The following CCSER1 variants were observed in gnomAD, a reference collection of about 807,000 sequenced individuals.
CCSER1 encodes serine-rich coiled-coil domain-containing protein 1.
A neutral mutation model predicts 82.0 loss-of-function variants in CCSER1; 41 were observed. That is an observed-to-expected ratio of 0.50 (90% CI 0.39 to 0.65). CCSER1 has a LOEUF of 0.65. CCSER1 is among the 30% of genes least tolerant of loss of function. The pLI, the probability that CCSER1 is intolerant of heterozygous loss-of-function variation, is 0.00. For synonymous variants in CCSER1, 414 were observed against 383.9 expected, an observed-to-expected ratio of 1.08 and a Z score of -0.92; for missense variants, 1,119 against 1,064.2, an observed-to-expected ratio of 1.05 and a Z score of -0.72.
rs764932710 is a variant in CCSER1 at position 90,609,532 on chromosome 4, T to C, written c.1725-18493T>C. On this transcript the variant is annotated intron_variant, in intron 5 of 10. Transcript: ENST00000509176. Reference sequence around the variant, plus strand: ...AAATAAAATGTTCAATCTAAAGATATTATCCCAACCTTCAAACTTCAGTGG... The same window carrying C: ...AAATAAAATGTTCAATCTAAAGATACTATCCCAACCTTCAAACTTCAGTGG... Among the ~76,000 whole-genome samples, 221 of 152,316 alleles carry C rather than the reference T, an allele frequency of 1.5e-3. 3 individuals carry two copies. The highest frequency in any genetic ancestry group is 4.4e-4 in the Non-Finnish European group (30 of 68,010).
At chr4:90,784,362 A>T (rs947400025) in intron 7 of CCSER1, among the ~76,000 whole-genome samples, 9 of 152,230 alleles carry the variant, frequency 5.9e-5, no homozygotes, top group African/African-American at 1.9e-4. Context: ...CAGTTATCAT[A>T]AATGCATATG....
At chr4:90,949,310 A>G (rs189732797) in intron 9 of CCSER1, among the ~76,000 whole-genome samples, 94 of 152,260 alleles carry the variant, frequency 6.2e-4, no homozygotes, top group Admixed American at 9.2e-4. Flanking sequence ...TTTACCCTTA[A>G]GAAGAATAAA....
intron 9 of CCSER1, among the ~76,000 whole-genome samples, chr4:90,935,995 T>C (rs1229629721): frequency 6.6e-6 from 1 of 152,046 alleles, no homozygotes; most frequent in Non-Finnish European, 1.5e-5. Context: ...AACATATGTA[T>C]TTTTATAATA....
chr4:90,754,019 A>G (rs1265866130), intron 7 of CCSER1, among the ~76,000 whole-genome samples: 2 of 152,154 alleles, frequency 1.3e-5, no homozygotes, highest in Non-Finnish European at 1.5e-5. Flanking sequence ...CAGCTAATCA[A>G]AGGAGACTTC....
chr4:91,162,196 T>C (rs2148979553), intron 10 of CCSER1, among the ~76,000 whole-genome samples: 1 of 152,282 alleles, frequency 6.6e-6, no homozygotes, highest in Admixed American at 6.5e-5. Flanking sequence ...AATCATGTGG[T>C]TTTTGTCTTT....
At chr4:90,188,468 C>A (rs575422764) in intron 1 of CCSER1, among the ~76,000 whole-genome samples, 50 of 149,318 alleles carry the variant, frequency 3.3e-4, no homozygotes, top group Non-Finnish European at 5.6e-4. Flanking sequence ...TAGAAGATTA[C>A]CAAATAAATG....
chr4:90,786,934 G>A (rs77116626), intron 7 of CCSER1, among the ~76,000 whole-genome samples: 7,772 of 152,230 alleles, frequency 0.051, 231 homozygotes, highest in East Asian at 0.15. Context: ...CCCCCTTTTT[G>A]TGTTGGATTA....
intron 10 of CCSER1, among the ~76,000 whole-genome samples, chr4:91,494,195 A>G (rs1381612342): frequency 2.0e-5 from 3 of 151,864 alleles, no homozygotes; most frequent in Non-Finnish European, 4.4e-5. Flanking sequence ...AGAAATATAT[A>G]TCTGTTATTT....
In CCSER1 at chr4:91,549,001, T is replaced by C. The variant is rs142994770; in HGVS notation, c.2218-49571T>C. ...TGATATTCCCATTATGCATGTTATATCTTTTGTATTTATCCCACAGTTCTT... is the reference window on the plus strand; with the variant it reads ...TGATATTCCCATTATGCATGTTATACCTTTTGTATTTATCCCACAGTTCTT... On this transcript the variant is annotated intron_variant, in intron 10 of 10. Transcript: ENST00000509176. 3.8e-4 allele frequency among the ~76,000 whole-genome samples: 58 copies of C among 152,254 alleles called. 1 individual carries two copies. In the East Asian group the frequency reaches 0.011, roughly 28 times the overall value.
At chr4:91,012,777 G>A (rs1739111991) in intron 9 of CCSER1, among the ~76,000 whole-genome samples, 1 of 83,642 alleles carries the variant, frequency 1.2e-5, no homozygotes, top group South Asian at 3.8e-4. Context: ...ATTCTCTCGG[G>A]GAGGATAGCT....
intron 10 of CCSER1, among the ~76,000 whole-genome samples, chr4:91,510,373 T>C (rs1203529008): frequency 6.6e-6 from 1 of 152,176 alleles, no homozygotes; most frequent in African/African-American, 2.4e-5. Context: ...TTGGGTTGAG[T>C]GGCAGTTCTA....
At chr4:91,391,827 C>T (rs577972701) in intron 10 of CCSER1, among the ~76,000 whole-genome samples, 3 of 151,934 alleles carry the variant, frequency 2.0e-5, no homozygotes, top group Non-Finnish European at 4.4e-5. Flanking sequence ...CTATGTTGGC[C>T]GTGATCATTT....
intron 1 of CCSER1, among the ~76,000 whole-genome samples, chr4:90,231,917 G>A (rs925546086): frequency 6.7e-6 from 1 of 150,118 alleles, no homozygotes. Context: ...ACTTACAAGG[G>A]ATGTGAAGGA....
chr4:90,933,008 GAAAGAAAGAAAGAAAGAA>G lies in CCSER1; in HGVS notation c.2172+9563_2172+9580del, dbSNP rs1730310743. On this transcript the variant is annotated intron_variant, in intron 9 of 10. Coordinates refer to ENST00000509176, the MANE Select transcript of CCSER1 (RefSeq NM_001145065.2). ...AGAAAGAAAGAAAGAAAGAAAGAAA[GAAAGAAAGAAAGAAAGAA>G]AGAAAGAAAGAAAGAAAGAGAAGGA... 2.7e-5 allele frequency among the ~76,000 whole-genome samples: 2 copies of G among 73,416 alleles called. 1 individual carries two copies. Among genetic ancestry groups the G allele is most frequent in the African/African-American group, 2.1e-4 (2 of 9,568 alleles). 48.2% of individuals were successfully genotyped at this position (73,416 alleles called of 152,430 possible). A position where few individuals can be genotyped will look rare whatever the true frequency, so the allele number is the denominator to read the frequency against.
At chr4:91,480,161 G>A in intron 10 of CCSER1, among the ~76,000 whole-genome samples, 1 of 151,582 alleles carries the variant, frequency 6.6e-6, no homozygotes, top group African/African-American at 2.4e-5. Flanking sequence ...ATTTGGGTTG[G>A]TTCCAAGTCT....
chr4:90,614,431 G>A (rs1203169002), intron 5 of CCSER1, among the ~76,000 whole-genome samples: 1 of 152,120 alleles, frequency 6.6e-6, no homozygotes, highest in African/African-American at 2.4e-5. Flanking sequence ...CATGTCAAAA[G>A]CTAGGCATCT....
At chr4:91,083,408 C>T (rs1723009971) in intron 9 of CCSER1, among the ~76,000 whole-genome samples, 1 of 151,498 alleles carries the variant, frequency 6.6e-6, no homozygotes, top group Non-Finnish European at 1.5e-5. Context: ...CAGGAGCCTG[C>T]CGGGGGGTTG....
intron 10 of CCSER1, among the ~76,000 whole-genome samples, chr4:91,355,408 G>T (rs922592039): frequency 1.3e-5 from 2 of 151,974 alleles, no homozygotes; most frequent in Non-Finnish European, 2.9e-5. Flanking sequence ...GATCGTGGGA[G>T]GCTTAAAATG....
intron 9 of CCSER1, among the ~76,000 whole-genome samples, chr4:91,040,015 A>T (rs1028510976): frequency 1.3e-5 from 2 of 152,166 alleles, no homozygotes; most frequent in Admixed American, 6.6e-5. Context: ...ACTCCAATTT[A>T]TATGTTTGAT....
Sources: allele counts gnomAD v4.1 joint callset (sites outside exome capture counted in the v4.1 genomes callset), GRCh38; gene constraint gnomAD v4.1.1; transcripts MANE v1.5; gene names NCBI Gene and HGNC (gene_info 2026-07-23, HGNC 2026-07-21).